SLC25A21: variants seen among roughly 807,000 people sequenced by gnomAD.
SLC25A21 encodes solute carrier family 25 member 21, also known as mitochondrial 2-oxodicarboxylate carrier.
In SLC25A21, 47 loss-of-function variants were observed where a neutral mutation model predicts 43.8. The ratio of observed to expected loss-of-function variants is 1.07; its 90% CI spans 0.85 to 1.37. The LOEUF (loss-of-function observed/expected upper bound fraction) is 1.37, where lower values mean the gene tolerates loss of function less well. SLC25A21 is among the 40% of genes most tolerant of loss of function. The pLI is 0.00. For missense variants in SLC25A21, 352 were observed against 350.2 expected (o/e 1.00, Z -0.04); for synonymous variants, 131 against 121.3 (o/e 1.08, Z -0.52).
chr14:36,889,401 G>A (rs1891016548), intron 1 of SLC25A21, among the ~76,000 whole-genome samples: 1 of 152,168 alleles, frequency 6.6e-6, no homozygotes. Context: ...AAATACAAAG[G>A]TAGATACATT....
chr14:37,172,272 T>C lies in SLC25A21; in HGVS notation c.70+9A>G, dbSNP rs1001928484. The C allele has an allele frequency of 6.3e-7, 1 of 1,588,082 alleles. No homozygotes were observed. The highest frequency in any genetic ancestry group is 8.6e-7 in the Non-Finnish European group (1 of 1,167,226). ...TAGCCTCCGGCGGGGCAGGGCGGGC[T>C]GTCCTTACCTGCAGAACCACCGGCC... On this transcript the variant is annotated intron_variant, in intron 1 of 9. Transcript: ENST00000331299.
chr14:36,771,267 A>T (rs1886608435), intron 3 of SLC25A21, among the ~76,000 whole-genome samples: 1 of 152,220 alleles, frequency 6.6e-6, no homozygotes, highest in Non-Finnish European at 1.5e-5. Context: ...TCTTACAAAA[A>T]CAGAAACACT....
chr14:36,893,102 C>A (rs192854418), intron 1 of SLC25A21, among the ~76,000 whole-genome samples: 1 of 152,192 alleles, frequency 6.6e-6, no homozygotes, highest in East Asian at 1.9e-4. Flanking sequence ...TTTCTAGTTC[C>A]AGATCCCTGA....
At chr14:37,103,712 T>G (rs1219748097) in intron 1 of SLC25A21, among the ~76,000 whole-genome samples, 1 of 152,174 alleles carries the variant, frequency 6.6e-6, no homozygotes. Context: ...ACCAGGATAT[T>G]CATGCTAATC....
At chr14:36,806,908 G>T (rs1407493571) in intron 3 of SLC25A21, 1 of 152,154 alleles carries the variant, frequency 6.6e-6, no homozygotes, top group African/African-American at 2.4e-5. Context: ...AAGAGCGGCT[G>T]GGACTCTCTG....
At chr14:37,102,176 C>G (rs1962828312) in intron 1 of SLC25A21, among the ~76,000 whole-genome samples, 1 of 152,116 alleles carries the variant, frequency 6.6e-6, no homozygotes, top group Non-Finnish European at 1.5e-5. Context: ...CACGGTGGTT[C>G]ACGCCTGTAA....
intron 1 of SLC25A21, among the ~76,000 whole-genome samples, chr14:36,969,523 C>T (rs1044632800): frequency 6.6e-5 from 10 of 151,968 alleles, no homozygotes; most frequent in African/African-American, 1.9e-4. Flanking sequence ...GGGTCTTACC[C>T]GGTGGCCCAG....
chr14:36,996,739 G>A (rs1443938256), intron 1 of SLC25A21, among the ~76,000 whole-genome samples: 1 of 152,156 alleles, frequency 6.6e-6, no homozygotes, highest in East Asian at 1.9e-4. Flanking sequence ...TTAGAGATGA[G>A]TCAGCCGAGG....
intron 3 of SLC25A21, among the ~76,000 whole-genome samples, chr14:36,767,670 C>T (rs1279006907): frequency 3.9e-5 from 6 of 152,262 alleles, no homozygotes; most frequent in East Asian, 1.9e-4. Flanking sequence ...CTTCTTGTAG[C>T]GAATGCTCTT....
rs541812942 is a variant in SLC25A21 at position 36,747,968 on chromosome 14, T to C, written c.204-13395A>G. ...TTGAGACTATTGAGGGAGGGATATG[T>C]TAGAAACAAAAATAGCAATTGTGCA... On this transcript the variant is annotated intron_variant, in intron 3 of 9. Transcript: ENST00000331299. Among the ~76,000 whole-genome samples, 5 of 152,320 alleles carry C rather than the reference T, an allele frequency of 3.3e-5. No homozygotes were observed. The South Asian group carries it at 6.2e-4, about 19-fold the overall frequency.
At chr14:36,850,664 C>A (rs1438870973) in intron 2 of SLC25A21, among the ~76,000 whole-genome samples, 1 of 152,136 alleles carries the variant, frequency 6.6e-6, no homozygotes, top group Non-Finnish European at 1.5e-5. Context: ...ATGTTATTTT[C>A]TCCATATTAC....
At chr14:36,976,539 A>T (rs528351579) in intron 1 of SLC25A21, among the ~76,000 whole-genome samples, 2 of 122,382 alleles carry the variant, frequency 1.6e-5, no homozygotes, top group South Asian at 2.3e-4. Flanking sequence ...GCCTGTAGAT[A>T]AAAAAAAACA....
chr14:36,871,446 C>A (rs1890370942), intron 2 of SLC25A21, among the ~76,000 whole-genome samples: 1 of 152,170 alleles, frequency 6.6e-6, no homozygotes, highest in Admixed American at 6.5e-5. Context: ...GAAGCCTGGA[C>A]AGATGAACAT....
chr14:37,114,791 G>T (rs1040620900), intron 1 of SLC25A21, among the ~76,000 whole-genome samples: 1 of 151,860 alleles, frequency 6.6e-6, no homozygotes. Flanking sequence ...TTTATGGCGG[G>T]GGGGGAATTG....
At chr14:37,079,179 C>CAACTG (rs746731861) in intron 1 of SLC25A21, among the ~76,000 whole-genome samples, 1 of 152,188 alleles carries the variant, frequency 6.6e-6, no homozygotes, top group Non-Finnish European at 1.5e-5. Flanking sequence ...CATCCACGTA[C>CAACTG]AACTGGTCAC....
At chr14:37,064,563 C>T (rs534752483) in intron 1 of SLC25A21, among the ~76,000 whole-genome samples, 88 of 152,248 alleles carry the variant, frequency 5.8e-4, no homozygotes, top group African/African-American at 2.1e-3. Context: ...CCCCAAACAA[C>T]TGTGAATTGT....
At chr14:37,018,503 G>T (rs1306672534) in intron 1 of SLC25A21, among the ~76,000 whole-genome samples, 1 of 151,876 alleles carries the variant, frequency 6.6e-6, no homozygotes, top group Non-Finnish European at 1.5e-5. Flanking sequence ...CTAGTGTTGG[G>T]GAAAGAAATC....
chr14:36,704,572 G>A (rs1293873037), intron 7 of SLC25A21, among the ~76,000 whole-genome samples: 1 of 150,222 alleles, frequency 6.7e-6, no homozygotes, highest in African/African-American at 2.4e-5. Context: ...CAGGAGAATC[G>A]CTTGAACCCG....
Position 37,165,450 on chromosome 14 carries a change from T to C in SLC25A21, c.70+6831A>G, listed in dbSNP as rs548208910. 1.4e-4 allele frequency among the ~76,000 whole-genome samples: 21 copies of C among 151,336 alleles called. No homozygotes were observed. The South Asian group carries it at 4.4e-3, about 32-fold the overall frequency. ...ACAGCAACCTGGAAATTTTGGAAAA[T>C]AAGTCAGTCTTGCCAGGATGGTGAT... On this transcript the variant is annotated intron_variant, in intron 1 of 9. Coordinates refer to ENST00000331299, the MANE Select transcript of SLC25A21 (RefSeq NM_030631.4).
Sources: allele counts gnomAD v4.1 joint callset (sites outside exome capture counted in the v4.1 genomes callset), GRCh38; gene constraint gnomAD v4.1.1; transcripts MANE v1.5; gene names NCBI Gene and HGNC (gene_info 2026-07-23, HGNC 2026-07-21).